Variants in ESR1 observed in about 807,000 individuals in gnomAD.
The protein encoded by ESR1 is estrogen receptor.
Under a neutral mutation model 52.7 loss-of-function variants are expected in ESR1, and 12 were observed. The ratio of observed to expected loss-of-function variants is 0.23; its 90% CI spans 0.15 to 0.37. ESR1 has a LOEUF of 0.37. Ranked by LOEUF, ESR1 falls within the 10% of genes least tolerant of loss-of-function variation. The pLI, the probability that ESR1 is intolerant of heterozygous loss-of-function variation, is 1.00. For missense variants in ESR1, 584 were observed against 779.7 expected (o/e 0.75, Z 2.99); for synonymous variants, 305 against 316.8 (o/e 0.96, Z 0.39).
At chr6:151,719,839 C>T (rs1227435726) in intron 2 of ESR1, among the ~76,000 whole-genome samples, 1 of 152,172 alleles carries the variant, frequency 6.6e-6, no homozygotes, top group Non-Finnish European at 1.5e-5. Flanking sequence ...TAGTAGGTTT[C>T]TCCCTACTAC....
chr6:151,666,667 C>T (rs560482519), intron 1 of ESR1, among the ~76,000 whole-genome samples: 12 of 151,350 alleles, frequency 7.9e-5, no homozygotes, highest in African/African-American at 2.9e-4. Context: ...TGGGTTCTTA[C>T]TCACCCTATT....
At chr6:151,925,144 G>GTTTGTTT in intron 3 of ESR1, among the ~76,000 whole-genome samples, 1 of 106,520 alleles carries the variant, frequency 9.4e-6, no homozygotes, top group Non-Finnish European at 1.7e-5. Context: ...TTGTTTGTTT[G>GTTTGTTT]TTTTTTTAGT....
At chr6:151,755,992 T>G (rs1178801925) in intron 2 of ESR1, among the ~76,000 whole-genome samples, 2 of 152,138 alleles carry the variant, frequency 1.3e-5, no homozygotes, top group Non-Finnish European at 2.9e-5. Flanking sequence ...CAGATCTGCA[T>G]GGCCCCCTCC....
intron 3 of ESR1, among the ~76,000 whole-genome samples, chr6:151,881,330 T>C (rs1470302090): frequency 6.6e-6 from 1 of 152,202 alleles, no homozygotes; most frequent in Non-Finnish European, 1.5e-5. Context: ...AGTTGATTAC[T>C]GAGCACTACA....
At chr6:151,885,532 T>C (rs553489979) in intron 3 of ESR1, among the ~76,000 whole-genome samples, 1 of 152,370 alleles carries the variant, frequency 6.6e-6, no homozygotes, top group Non-Finnish European at 1.5e-5. Context: ...AAAGTCACTT[T>C]TATGAGCTTC....
At chr6:152,111,724 G>A (rs1324197208) in intron 6 of ESR1, among the ~76,000 whole-genome samples, 2 of 152,140 alleles carry the variant, frequency 1.3e-5, no homozygotes, top group African/African-American at 4.8e-5. Context: ...GAGGGTGCAG[G>A]CAGCTGCAGG....
intron 2 of ESR1, among the ~76,000 whole-genome samples, chr6:151,777,136 A>G (rs1234595431): frequency 2.3e-5 from 3 of 129,096 alleles, no homozygotes; most frequent in Non-Finnish European, 5.0e-5. Flanking sequence ...TTTTTTTTTG[A>G]GACAGAGTCT....
At chr6:151,684,909 C>G (rs918024509) in intron 1 of ESR1, among the ~76,000 whole-genome samples, 3 of 152,190 alleles carry the variant, frequency 2.0e-5, no homozygotes, top group Admixed American at 6.5e-5. Flanking sequence ...TCAAGGCAGG[C>G]GCTTTCCACT....
chr6:152,046,958 TC>T (rs1274283329), intron 5 of ESR1, among the ~76,000 whole-genome samples: 2 of 152,218 alleles, frequency 1.3e-5, no homozygotes, highest in East Asian at 3.9e-4. Flanking sequence ...GAACACTTTT[TC>T]CTAGCCTTGG....
intron 5 of ESR1, among the ~76,000 whole-genome samples, chr6:152,023,529 C>G (rs3020416): frequency 0.28 from 42,258 of 152,008 alleles, 7,433 homozygotes; most frequent in African/African-American, 0.51. Flanking sequence ...TCTTGATAAT[C>G]ACAATGCCAT....
intron 2 of ESR1, among the ~76,000 whole-genome samples, chr6:151,739,247 C>T (rs1198231382): frequency 6.6e-6 from 1 of 152,104 alleles, no homozygotes; most frequent in Non-Finnish European, 1.5e-5. Context: ...TTGCAAGGAC[C>T]AAACGAGCTA....
chr6:151,804,608 A>T (rs1777594184), upstream of ESR1: 1 of 152,208 alleles, frequency 6.6e-6, no homozygotes, highest in Non-Finnish European at 1.5e-5. Flanking sequence ...GCACAAAAAC[A>T]TATATTTGCA....
intron 2 of ESR1, among the ~76,000 whole-genome samples, chr6:151,861,766 C>T (rs1788933799): frequency 6.6e-6 from 1 of 151,930 alleles, no homozygotes; most frequent in Non-Finnish European, 1.5e-5. Flanking sequence ...CTTATTCTTA[C>T]ACTTTTTTTT....
intron 3 of ESR1, among the ~76,000 whole-genome samples, chr6:151,932,258 G>A (rs1358169151): frequency 1.8e-4 from 28 of 151,824 alleles, no homozygotes; most frequent in Admixed American, 1.3e-3. Flanking sequence ...CTTCTTTTGA[G>A]AAGTGTCTGT....
chr6:152,077,113 T>C (rs1283893395), intron 6 of ESR1, among the ~76,000 whole-genome samples: 7 of 152,108 alleles, frequency 4.6e-5, no homozygotes, highest in African/African-American at 1.7e-4. Flanking sequence ...AAAAACAGTT[T>C]TGTGGGCCAG....
chr6:151,816,715 G>T (rs1320588645), intron 1 of ESR1, among the ~76,000 whole-genome samples: 1 of 152,086 alleles, frequency 6.6e-6, no homozygotes, highest in Admixed American at 6.6e-5. Flanking sequence ...GCCAGGTACT[G>T]TGCTACAAAA....
chr6:152,068,654 A>G (rs1221936659), intron 6 of ESR1, among the ~76,000 whole-genome samples: 2 of 152,376 alleles, frequency 1.3e-5, no homozygotes, highest in African/African-American at 2.4e-5. Context: ...AAAGCATAAA[A>G]TTTTAAAATT....
intron 6 of ESR1, among the ~76,000 whole-genome samples, chr6:152,115,998 G>A (rs2051206171): frequency 6.6e-6 from 1 of 152,140 alleles, no homozygotes; most frequent in African/African-American, 2.4e-5. Context: ...TCCTGAGAGA[G>A]TCTAATGTAC....
intron 1 of ESR1, among the ~76,000 whole-genome samples, chr6:151,682,567 T>C (rs1778500496): frequency 6.6e-6 from 1 of 152,222 alleles, no homozygotes; most frequent in Non-Finnish European, 1.5e-5. Flanking sequence ...TAAACTTTCA[T>C]GAATTTGGTA....
Sources: allele counts gnomAD v4.1 joint callset (sites outside exome capture counted in the v4.1 genomes callset), GRCh38; gene constraint gnomAD v4.1.1; transcripts MANE v1.5; gene names NCBI Gene and HGNC (gene_info 2026-07-23, HGNC 2026-07-21).